Variants in KLHL1 observed in about 807,000 individuals in gnomAD.
KLHL1 encodes the protein kelch like family member 1.
In KLHL1, 47 loss-of-function variants were observed where a neutral mutation model predicts 77.7. That is an observed-to-expected ratio of 0.60 (90% confidence interval 0.48 to 0.77). KLHL1 has a LOEUF of 0.77. Among genes scored for constraint, KLHL1 ranks in the 30% least tolerant of loss-of-function variants. The pLI, the probability that KLHL1 is intolerant of heterozygous loss-of-function variation, is 0.00. For missense variants in KLHL1, 925 were observed against 910.8 expected, an observed-to-expected ratio of 1.02 and a Z score of -0.20; for synonymous variants, 360 against 325.2, an observed-to-expected ratio of 1.11 and a Z score of -1.15.
intron 6 of KLHL1, among the ~76,000 whole-genome samples, chr13:69,818,535 T>A (rs796402750): frequency 2.0e-5 from 3 of 152,222 alleles, no homozygotes; most frequent in African/African-American, 7.2e-5. Flanking sequence ...CTTTTTTTAA[T>A]TCTAAAGATG....
chr13:70,028,484 C>A (rs1247971927), intron 1 of KLHL1, among the ~76,000 whole-genome samples: 2 of 151,952 alleles, frequency 1.3e-5, no homozygotes, highest in Non-Finnish European at 2.9e-5. Context: ...AAAAGAGACC[C>A]ACGGCAATTC....
At chr13:69,884,936 T>TTTCTA (rs67753156) in intron 4 of KLHL1, among the ~76,000 whole-genome samples, 1 of 6,860 alleles carries the variant, frequency 1.5e-4, no homozygotes, top group African/African-American at 1.9e-4. Context: ...TTTCTTTTCT[T>TTTCTA]TTTTTTTTTT....
chr13:69,793,498 G>GC (rs1555268974), intron 7 of KLHL1, among the ~76,000 whole-genome samples: 2 of 150,140 alleles, frequency 1.3e-5, no homozygotes, highest in Non-Finnish European at 3.0e-5. Flanking sequence ...AATCATGTAA[G>GC]TTTTTTTTTT....
At chr13:70,020,735 ATAC>A (rs1885767668) in intron 1 of KLHL1, among the ~76,000 whole-genome samples, 1 of 152,058 alleles carries the variant, frequency 6.6e-6, no homozygotes, top group Admixed American at 6.6e-5. Flanking sequence ...TGAAGTGACA[ATAC>A]TAGTGTATCA....
At chr13:69,813,433 C>T (rs1255206685) in intron 6 of KLHL1, among the ~76,000 whole-genome samples, 1 of 151,108 alleles carries the variant, frequency 6.6e-6, no homozygotes, top group Admixed American at 6.6e-5. Context: ...TGTAACACAC[C>T]TGCATGTTGT....
chr13:69,941,676 G>C (rs1417519101), intron 3 of KLHL1, among the ~76,000 whole-genome samples: 1 of 151,914 alleles, frequency 6.6e-6, no homozygotes, highest in African/African-American at 2.4e-5. Flanking sequence ...GAACCAAAAA[G>C]CTGGTTCTTT....
chr13:69,863,115 C>A (rs1192340744), intron 5 of KLHL1, among the ~76,000 whole-genome samples: 1 of 151,896 alleles, frequency 6.6e-6, no homozygotes, highest in African/African-American at 2.4e-5. Flanking sequence ...TCTTCAAGAC[C>A]TTCTATAACA....
At chr13:70,087,646 CTTTTCAG>C (rs141299854) in intron 1 of KLHL1, among the ~76,000 whole-genome samples, 4,583 of 152,034 alleles carry the variant, frequency 0.03, 165 homozygotes, top group African/African-American at 0.088. Flanking sequence ...TCCACTGTTT[CTTTTCAG>C]ATATCCTTTG....
intron 6 of KLHL1, among the ~76,000 whole-genome samples, chr13:69,806,270 T>C (rs145901697): frequency 6.6e-6 from 1 of 152,322 alleles, no homozygotes; most frequent in African/African-American, 2.4e-5. Context: ...TTGATAAATG[T>C]TTGCTTCTGT....
At chr13:70,030,122 T>TA (rs1404825672) in intron 1 of KLHL1, among the ~76,000 whole-genome samples, 1 of 152,130 alleles carries the variant, frequency 6.6e-6, no homozygotes, top group Admixed American at 6.5e-5. Context: ...CGAAGAGACT[T>TA]AGACTCCCAC....
chr13:69,890,367 T>C, intron 4 of KLHL1, among the ~76,000 whole-genome samples: 3 of 152,166 alleles, frequency 2.0e-5, no homozygotes, highest in Middle Eastern at 6.8e-3. Flanking sequence ...AACATATTCT[T>C]AAATTGGAAA....
intron 1 of KLHL1, among the ~76,000 whole-genome samples, chr13:70,084,438 T>C (rs1887469811): frequency 1.3e-5 from 2 of 149,766 alleles, no homozygotes; most frequent in South Asian, 4.2e-4. Context: ...TTCCAAGTGA[T>C]ATTTTCTAGT....
At chr13:69,880,333 C>G (rs1005110314) in intron 5 of KLHL1, among the ~76,000 whole-genome samples, 14 of 151,972 alleles carry the variant, frequency 9.2e-5, no homozygotes, top group African/African-American at 3.4e-4. Context: ...TATATGAAGA[C>G]ATTTTATAAA....
In KLHL1 at chr13:70,092,329, C is replaced by T. The variant is rs114414416; in HGVS notation, c.497+14874G>A. 5.1e-3 allele frequency among the ~76,000 whole-genome samples: 770 copies of T among 152,288 alleles called. 5 individuals are homozygous for T. Among genetic ancestry groups the T allele is most frequent in the African/African-American group, 0.015 (636 of 41,592 alleles). On this transcript the variant is annotated intron_variant, in intron 1 of 10. Coordinates refer to ENST00000377844, the MANE Select transcript of KLHL1 (RefSeq NM_020866.3). ...TGTCAGCTATCACTCATCTCTTCTA[C>T]GCTGAATTCTACCTATATGACTTTG...
At chr13:69,865,973 G>A (rs1952183936) in intron 5 of KLHL1, among the ~76,000 whole-genome samples, 1 of 152,016 alleles carries the variant, frequency 6.6e-6, no homozygotes, top group African/African-American at 2.4e-5. Context: ...TTGCCATGAG[G>A]TGAAATCTAA....
At chr13:69,769,021 C>T (rs919574510) in intron 7 of KLHL1, among the ~76,000 whole-genome samples, 1 of 152,132 alleles carries the variant, frequency 6.6e-6, no homozygotes, top group Non-Finnish European at 1.5e-5. Flanking sequence ...GACTAAGTCT[C>T]ATTCTAGAAG....
intron 1 of KLHL1, among the ~76,000 whole-genome samples, chr13:70,099,688 C>A (rs1887877779): frequency 1.3e-5 from 2 of 151,820 alleles, no homozygotes; most frequent in African/African-American, 4.8e-5. Flanking sequence ...ATACAATAAG[C>A]TTTTTGTCCC....
chr13:69,806,301 A>G (rs922495467), intron 6 of KLHL1, among the ~76,000 whole-genome samples: 3 of 152,220 alleles, frequency 2.0e-5, no homozygotes, highest in Non-Finnish European at 4.4e-5. Flanking sequence ...CACATATATT[A>G]ACCAAGACAT....
intron 2 of KLHL1, among the ~76,000 whole-genome samples, chr13:69,972,772 A>C (rs934955902): frequency 6.6e-6 from 1 of 151,894 alleles, no homozygotes; most frequent in Non-Finnish European, 1.5e-5. Flanking sequence ...AAGCTCAATC[A>C]TATTTCATTT....
Sources: gnomAD v4.1 joint callset for allele counts (sites outside exome capture counted in the v4.1 genomes callset) on GRCh38, gnomAD v4.1.1 for gene constraint, MANE v1.5 for transcripts, NCBI Gene and HGNC (gene_info 2026-07-23, HGNC 2026-07-21) for gene names.